Variants in SENP1 observed in about 807,000 individuals in gnomAD.
The protein encoded by SENP1 is sentrin-specific protease 1.
Under a neutral mutation model 93.0 loss-of-function variants are expected in SENP1, and 21 were observed. The observed-to-expected ratio is 0.23, with a 90% CI of 0.16 to 0.33. The LOEUF is 0.33. Among genes scored for constraint, SENP1 ranks in the 10% least tolerant of loss-of-function variants. The pLI is 1.00. For synonymous variants in SENP1, 256 were observed against 259.6 expected (o/e 0.99, Z 0.13); for missense variants, 591 against 758.7 (o/e 0.78, Z 2.60).
rs190254444 is a variant in SENP1 at position 48,078,977 on chromosome 12, T to C, written c.553-4184A>G. ...CAGCCTGGGCAACAAAGTGAGACCC[T>C]GTCTCTACACAAAAAATGTTTAAAA... On this transcript the variant is annotated intron_variant, in intron 6 of 17. Transcript: ENST00000549518. 2.6e-5 allele frequency among the ~76,000 whole-genome samples: 4 copies of C among 152,202 alleles called. No homozygotes were observed. The East Asian group carries it at 7.7e-4, about 29-fold the overall frequency.
intron 6 of SENP1, among the ~76,000 whole-genome samples, chr12:48,081,049 T>C (rs753183611): frequency 3.9e-5 from 6 of 152,014 alleles, no homozygotes; most frequent in Non-Finnish European, 7.4e-5. Flanking sequence ...ACAGAGCTGG[T>C]GGGTGAATGG....
chr12:48,045,747 T>C (rs866587273), intron 17 of SENP1, among the ~76,000 whole-genome samples: 8 of 152,310 alleles, frequency 5.3e-5, no homozygotes, highest in South Asian at 4.1e-4. Context: ...TTAAGGGAAC[T>C]TGAAGAGTCA....
intron 7 of SENP1, 37 bp from the exon 8 acceptor site, chr12:48,074,644 T>G (rs748277254): frequency 6.2e-7 from 1 of 1,607,390 alleles, no homozygotes; most frequent in East Asian, 2.2e-5. Flanking sequence ...TATCAAGTAA[T>G]AAATTGTAGA....
chr12:48,084,716 G>A (rs1372813777), intron 5 of SENP1, among the ~76,000 whole-genome samples: 2 of 151,972 alleles, frequency 1.3e-5, no homozygotes, highest in Non-Finnish European at 2.9e-5. Flanking sequence ...CCAAAGTGCT[G>A]GGATTACACA....
At chr12:48,048,784 G>A (rs559899674) in intron 14 of SENP1, 145 bp downstream of exon 14, 1 of 621,288 alleles carries the variant, frequency 1.6e-6, no homozygotes, top group East Asian at 2.7e-5. Context: ...GAAGTTCATA[G>A]ATCTATCTGA....
chr12:48,048,846 T>A (rs997484715), intron 14 of SENP1, 83 bp downstream of exon 14: 3 of 999,036 alleles, frequency 3.0e-6, no homozygotes, highest in Non-Finnish European at 4.6e-6. Flanking sequence ...CAAGGGAACA[T>A]GTAGAACTAC....
intron 6 of SENP1, among the ~76,000 whole-genome samples, chr12:48,079,054 A>G (rs1944333458): frequency 6.6e-6 from 1 of 152,206 alleles, no homozygotes; most frequent in Admixed American, 6.5e-5. Flanking sequence ...AGAAGGCAAA[A>G]GAGGGAGTAT....
rs755509158 is a variant in SENP1 at position 48,048,950 on chromosome 12, C to T, written c.1590G>A (p.Leu530=). ...TCACAGCTAGACACCAGTGTACTCC[C>T]AGGTGAATGGGCACCAAAAGAATGT... ...SVDILLVPIH[L]GVHWCLAVVD... The change falls in exon 14 of 18, where the codon CTG becomes CTA. Residue 530 remains leucine (L), a synonymous_variant. Coordinates refer to ENST00000549518, the MANE Select transcript of SENP1 (RefSeq NM_001267594.2). 1.9e-6 allele frequency: 3 copies of T among 1,613,504 alleles called. No individual in the cohort carries two copies. Among genetic ancestry groups the T allele is most frequent in the Admixed American group, 3.3e-5 (2 of 59,974 alleles).
intron 6 of SENP1, among the ~76,000 whole-genome samples, chr12:48,082,215 T>C (rs111449585): frequency 6.6e-6 from 1 of 152,188 alleles, no homozygotes; most frequent in East Asian, 1.9e-4. Flanking sequence ...ACCAAAAATA[T>C]GCACAGCATT....
At chr12:48,098,215 C>A in intron 2 of SENP1, 91 bp from the exon 3 acceptor site, 2 of 1,320,924 alleles carry the variant, frequency 1.5e-6, no homozygotes, top group South Asian at 2.9e-5. Flanking sequence ...AAAAACAATT[C>A]CCACCCAGGC....
intron 1 of SENP1, 130 bp downstream of exon 1, chr12:48,105,873 GTCCCAGGGGGCGGGGCAGAGGAAAA>G (rs1946520765): frequency 1.3e-5 from 8 of 607,084 alleles, no homozygotes; most frequent in Non-Finnish European, 1.2e-5. Context: ...AGGGGAGGTG[GTCCCAGGGGGCGGGGCAGAGGAAAA>G]GGCGCCGGCC....
chr12:48,101,587 A>T, intron 1 of SENP1, 71 bp from the exon 2 acceptor site: 10 of 755,176 alleles, frequency 1.3e-5, no homozygotes, highest in Non-Finnish European at 2.0e-5. Context: ...TAGAAGGTGC[A>T]GCCACTAGAA....
chr12:48,101,191 C>A (rs1945910094), intron 2 of SENP1, among the ~76,000 whole-genome samples: 1 of 152,160 alleles, frequency 6.6e-6, no homozygotes, highest in Non-Finnish European at 1.5e-5. Context: ...GAGGCTGAGG[C>A]AGGAGAATTG....
chr12:48,075,278 G>A (rs952494796), intron 6 of SENP1, among the ~76,000 whole-genome samples: 1 of 151,972 alleles, frequency 6.6e-6, no homozygotes, highest in Non-Finnish European at 1.5e-5. Flanking sequence ...GTAAAAGACA[G>A]GTTGAGTAAA....
At chr12:48,065,991 T>A (rs1320593720) in intron 10 of SENP1, among the ~76,000 whole-genome samples, 1 of 152,178 alleles carries the variant, frequency 6.6e-6, no homozygotes, top group Non-Finnish European at 1.5e-5. Flanking sequence ...ATGTGAGCCA[T>A]TGCACCCGAC....
rs769596812 is a variant in SENP1 at position 48,043,635 on chromosome 12, TAGAA to T, written c.*1683_*1686del. On this transcript the variant is annotated 3_prime_UTR_variant, in exon 18 of 18. Coordinates refer to ENST00000549518, the MANE Select transcript of SENP1 (RefSeq NM_001267594.2). ...AAAAAGAAAGAAAAATAAAGAGAGA[TAGAA>T]AGAGAAAGGGAAAGAAAGAGAGAGA... is the stretch of plus-strand genomic sequence containing the variant. 1 of 151,050 alleles carries T rather than the reference TAGAA, an allele frequency of 6.6e-6. No homozygotes were observed. Among genetic ancestry groups the T allele is most frequent in the East Asian group, 1.9e-4 (1 of 5,144 alleles). The allele number at this position is 151,050 out of a possible 1,614,324, so 9.4% of individuals were successfully genotyped here.
chr12:48,045,240 G>T lies in SENP1; in HGVS notation c.*82C>A. On this transcript the variant is annotated 3_prime_UTR_variant, in exon 18 of 18. Transcript: ENST00000549518. Reference sequence around the variant, plus strand: ...GTGTTACAACAGCAGAGGGCTGGGAGCAGCTGTTTCCAAGGTCTCTGGCTG... The same window carrying T: ...GTGTTACAACAGCAGAGGGCTGGGATCAGCTGTTTCCAAGGTCTCTGGCTG... 2 of 1,153,734 alleles carry T rather than the reference G, an allele frequency of 1.7e-6. No individual in the cohort carries two copies. The highest frequency in any genetic ancestry group is 1.5e-5 in the African/African-American group (1 of 66,126). The allele number at this position is 1,153,734 out of a possible 1,614,324, so 71.5% of individuals were successfully genotyped here.
chr12:48,066,838 A>T (rs575956009), intron 10 of SENP1, 89 bp downstream of exon 10: 2 of 1,113,028 alleles, frequency 1.8e-6, no homozygotes, highest in Non-Finnish European at 2.7e-6. Context: ...ATTGGCAAAA[A>T]ATAAGCAGGA....
intron 13 of SENP1, among the ~76,000 whole-genome samples, chr12:48,056,168 T>C (rs1942287213): frequency 1.8e-5 from 2 of 113,746 alleles, no homozygotes. Context: ...ATAGTATATA[T>C]TATTTTATAT....
Sources: gnomAD v4.1 joint callset for allele counts (sites outside exome capture counted in the v4.1 genomes callset) on GRCh38, gnomAD v4.1.1 for gene constraint, MANE v1.5 for transcripts, NCBI Gene and HGNC (gene_info 2026-07-23, HGNC 2026-07-21) for gene names.